The following FNBP1L variants were observed in gnomAD, a reference collection of about 807,000 sequenced individuals.
FNBP1L encodes the protein formin binding protein 1 like, also known as formin-binding protein 1-like.
Under a neutral mutation model 91.2 loss-of-function variants are expected in FNBP1L, and 36 were observed. The ratio of observed to expected loss-of-function variants is 0.39; its 90% CI spans 0.30 to 0.52. The LOEUF is 0.52. Among genes scored for constraint, FNBP1L ranks in the 20% least tolerant of loss-of-function variants. FNBP1L has a pLI of 0.66. For missense variants in FNBP1L, 571 were observed against 732.1 expected (o/e 0.78, Z 2.54); for synonymous variants, 242 against 237.0 (o/e 1.02, Z -0.19).
chr1:93,495,305 T>C (rs1670226325), intron 1 of FNBP1L, among the ~76,000 whole-genome samples: 1 of 152,194 alleles, frequency 6.6e-6, no homozygotes, highest in African/African-American at 2.4e-5. Context: ...ATAAAGTAGT[T>C]ATATTTAAAA....
intron 1 of FNBP1L, among the ~76,000 whole-genome samples, chr1:93,492,453 A>G (rs1472158896): frequency 2.6e-5 from 4 of 152,214 alleles, no homozygotes. Flanking sequence ...ACTTCTGTTT[A>G]TATGTTATCT....
At chr1:93,547,320 A>G in intron 13 of FNBP1L, 27 bp from the exon 14 acceptor site, 1 of 1,496,798 alleles carries the variant, frequency 6.7e-7, no homozygotes, top group Non-Finnish European at 9.1e-7. Context: ...TATTGAGCTC[A>G]GTTGTTTGCT....
chr1:93,456,371 G>A (rs1365709887), intron 1 of FNBP1L, among the ~76,000 whole-genome samples: 2 of 152,100 alleles, frequency 1.3e-5, no homozygotes, highest in African/African-American at 4.8e-5. Context: ...AAGAATCAGT[G>A]TATAGAGTGA....
chr1:93,468,924 C>T (rs906872321), intron 1 of FNBP1L, among the ~76,000 whole-genome samples: 1 of 152,098 alleles, frequency 6.6e-6, no homozygotes, highest in Non-Finnish European at 1.5e-5. Flanking sequence ...TTGATATCAT[C>T]TGAATTTTTG....
At chr1:93,502,581 T>C (rs1670473410) in intron 2 of FNBP1L, among the ~76,000 whole-genome samples, 1 of 152,090 alleles carries the variant, frequency 6.6e-6, no homozygotes, top group Non-Finnish European at 1.5e-5. Context: ...TTTCACTTAC[T>C]TGCAAAAAAG....
intron 1 of FNBP1L, among the ~76,000 whole-genome samples, chr1:93,459,408 G>C (rs569979661): frequency 6.6e-6 from 1 of 152,176 alleles, no homozygotes; most frequent in East Asian, 1.9e-4. Context: ...TAAAAAAATG[G>C]GCTGAGGACC....
chr1:93,497,676 G>C (rs1221895406), intron 1 of FNBP1L, among the ~76,000 whole-genome samples: 2 of 152,142 alleles, frequency 1.3e-5, no homozygotes, highest in Non-Finnish European at 2.9e-5. Context: ...CTGGAGTGCA[G>C]TGGCATGATC....
At chr1:93,540,608 A>G (rs1371297021) in intron 10 of FNBP1L, among the ~76,000 whole-genome samples, 1 of 152,140 alleles carries the variant, frequency 6.6e-6, no homozygotes, top group African/African-American at 2.4e-5. Flanking sequence ...TCTTTAACAC[A>G]CTGGAAAGAA....
intron 2 of FNBP1L, among the ~76,000 whole-genome samples, chr1:93,515,764 G>A (rs1229395270): frequency 4.6e-5 from 6 of 129,480 alleles, no homozygotes; most frequent in Non-Finnish European, 9.7e-5. Context: ...GGGGACTGTT[G>A]TGGGGTGGGG....
intron 14 of FNBP1L, among the ~76,000 whole-genome samples, chr1:93,548,151 G>C (rs1672300833): frequency 6.6e-6 from 1 of 152,100 alleles, no homozygotes; most frequent in Non-Finnish European, 1.5e-5. Flanking sequence ...GGTAATAGTA[G>C]TATCACTTCT....
At chr1:93,464,428 C>G (rs115711614) in intron 1 of FNBP1L, among the ~76,000 whole-genome samples, 2 of 152,154 alleles carry the variant, frequency 1.3e-5, no homozygotes, top group Non-Finnish European at 2.9e-5. Flanking sequence ...TATCATATGT[C>G]TCTGGAATCC....
intron 2 of FNBP1L, among the ~76,000 whole-genome samples, chr1:93,511,965 C>CAAAA (rs34752421): frequency 3.0e-4 from 20 of 66,294 alleles, no homozygotes; most frequent in African/African-American, 1.0e-3. Context: ...GACTCCGTCT[C>CAAAA]AAAAAAAAAA....
At chr1:93,511,346 A>G (rs1670833888) in intron 2 of FNBP1L, among the ~76,000 whole-genome samples, 2 of 151,726 alleles carry the variant, frequency 1.3e-5, no homozygotes. Flanking sequence ...TTTCATATCC[A>G]GCCAAACTAA....
intron 2 of FNBP1L, among the ~76,000 whole-genome samples, chr1:93,510,887 A>G (rs1670811661): frequency 6.6e-6 from 1 of 152,140 alleles, no homozygotes; most frequent in Non-Finnish European, 1.5e-5. Context: ...AAACGAAGCG[A>G]GAAGGGAAGT....
intron 1 of FNBP1L, among the ~76,000 whole-genome samples, chr1:93,456,306 A>G (rs1273780879): frequency 6.6e-6 from 1 of 152,228 alleles, no homozygotes; most frequent in Non-Finnish European, 1.5e-5. Context: ...AGACTTTACA[A>G]ATATCTCATG....
At chr1:93,523,636 C>A (rs1557809108) in intron 4 of FNBP1L, 145 bp downstream of exon 4, 11 of 887,416 alleles carry the variant, frequency 1.2e-5, no homozygotes, top group Non-Finnish European at 1.6e-5. Context: ...TCACAAAATA[C>A]TCTTGCTAAT....
chr1:93,478,648 C>G (rs1669582905), intron 1 of FNBP1L, among the ~76,000 whole-genome samples: 1 of 152,050 alleles, frequency 6.6e-6, no homozygotes, highest in African/African-American at 2.4e-5. Flanking sequence ...TGTATGTAGC[C>G]ATGGTGGCAA....
intron 1 of FNBP1L, among the ~76,000 whole-genome samples, chr1:93,482,368 A>AT (rs1289402833): frequency 6.6e-6 from 1 of 152,140 alleles, no homozygotes; most frequent in Non-Finnish European, 1.5e-5. Flanking sequence ...TTCTTTTTCC[A>AT]TTTAGAGCCA....
chr1:93,450,512 A>G lies in FNBP1L; in HGVS notation c.24+2207A>G, dbSNP rs555047864. On this transcript the variant is annotated intron_variant, in intron 1 of 16. Coordinates refer to ENST00000271234, the MANE Select transcript of FNBP1L (RefSeq NM_001164473.3). ...TAAGCAGAACTTGGTGTAGAGGACTATTGTTGGGACTAGAAGAAACCTTAG... is the reference window on the plus strand; with the variant it reads ...TAAGCAGAACTTGGTGTAGAGGACTGTTGTTGGGACTAGAAGAAACCTTAG... Among the ~76,000 whole-genome samples, 22 of 152,308 alleles carry G rather than the reference A, an allele frequency of 1.4e-4. No homozygotes were observed. In the South Asian group the frequency reaches 2.1e-3, roughly 14 times the overall value.
Sources: gnomAD v4.1 joint callset for allele counts (sites outside exome capture counted in the v4.1 genomes callset) on GRCh38, gnomAD v4.1.1 for gene constraint, MANE v1.5 for transcripts, NCBI Gene and HGNC (gene_info 2026-07-23, HGNC 2026-07-21) for gene names.